Variants in PTPRD observed in about 807,000 individuals in gnomAD.
PTPRD encodes protein tyrosine phosphatase receptor type D, also known as receptor-type tyrosine-protein phosphatase delta.
A neutral mutation model predicts 214.5 loss-of-function variants in PTPRD; 34 were observed. That is an observed-to-expected ratio of 0.16 (90% CI 0.12 to 0.21). PTPRD has a LOEUF of 0.21. PTPRD is among the 10% of genes least tolerant of loss of function. The pLI, the probability that PTPRD is intolerant of heterozygous loss-of-function variation, is 1.00. For synonymous variants in PTPRD, 1,128 were observed against 845.7 expected, an observed-to-expected ratio of 1.33 and a Z score of -5.79; for missense variants, 2,545 against 2,398.7, an observed-to-expected ratio of 1.06 and a Z score of -1.27.
At chr9:9,052,683 G>C (rs1007673391) in intron 10 of PTPRD, among the ~76,000 whole-genome samples, 7 of 152,150 alleles carry the variant, frequency 4.6e-5, no homozygotes, top group Non-Finnish European at 7.3e-5. Context: ...AAAGGCAATT[G>C]TTGATGTTCC....
intron 2 of PTPRD, among the ~76,000 whole-genome samples, chr9:10,436,921 A>T (rs620558): frequency 6.6e-6 from 1 of 151,666 alleles, no homozygotes; most frequent in Admixed American, 6.6e-5. Flanking sequence ...TACTAAATGT[A>T]GATGCAAGAT....
intron 2 of PTPRD, among the ~76,000 whole-genome samples, chr9:10,415,588 C>T (rs930693366): frequency 1.4e-4 from 21 of 151,880 alleles, no homozygotes; most frequent in African/African-American, 5.1e-4. Flanking sequence ...TAAGAAAACA[C>T]TCCTAGAGCT....
chr9:9,883,150 A>T (rs1249448421), intron 5 of PTPRD, among the ~76,000 whole-genome samples: 1 of 151,888 alleles, frequency 6.6e-6, no homozygotes, highest in African/African-American at 2.4e-5. Flanking sequence ...AAATGAACAA[A>T]CCCCCCAAGA....
In PTPRD at chr9:9,479,913, T is replaced by C. The variant is rs535862409; in HGVS notation, c.-236-82431A>G. Among the ~76,000 whole-genome samples the C allele has an allele frequency of 6.6e-5, 10 of 152,278 alleles. No individual in the cohort carries two copies. The East Asian group carries it at 1.7e-3, about 26-fold the overall frequency. ...GACAATACTGAATGGTTATTTGGTA[T>C]ATAAACTATATAATAAAAGCAAATC... is the stretch of plus-strand genomic sequence containing the variant. On this transcript the variant is annotated intron_variant, in intron 8 of 45. Coordinates refer to ENST00000381196, the MANE Select transcript of PTPRD (RefSeq NM_002839.4).
At chr9:8,665,619 T>A (rs1435777926) in intron 12 of PTPRD, among the ~76,000 whole-genome samples, 1 of 152,212 alleles carries the variant, frequency 6.6e-6, no homozygotes, top group Non-Finnish European at 1.5e-5. Context: ...CTTTTCATAA[T>A]ACCTGTATAC....
chr9:8,813,893 G>T (rs898628115), intron 11 of PTPRD, among the ~76,000 whole-genome samples: 1 of 152,174 alleles, frequency 6.6e-6, no homozygotes, highest in East Asian at 1.9e-4. Context: ...TTTGGTCCTG[G>T]TCCACCATTT....
chr9:9,199,281 A>G (rs150786452), intron 9 of PTPRD, among the ~76,000 whole-genome samples: 1 of 152,314 alleles, frequency 6.6e-6, no homozygotes, highest in Admixed American at 6.5e-5. Context: ...ATTTTAGAAA[A>G]CATGGAAGAA....
chr9:8,347,032 G>C (rs2074023812), intron 39 of PTPRD, among the ~76,000 whole-genome samples: 1 of 151,996 alleles, frequency 6.6e-6, no homozygotes, highest in African/African-American at 2.4e-5. Context: ...AAGTGAGCTT[G>C]GTACTCTCTG....
At chr9:8,442,783 T>G (rs924063647) in intron 34 of PTPRD, among the ~76,000 whole-genome samples, 1 of 152,210 alleles carries the variant, frequency 6.6e-6, no homozygotes, top group Non-Finnish European at 1.5e-5. Context: ...AAGAGAATAT[T>G]GATTTGTAAG....
chr9:9,160,956 C>G (rs145948081), intron 10 of PTPRD, among the ~76,000 whole-genome samples: 1 of 152,054 alleles, frequency 6.6e-6, no homozygotes, highest in African/African-American at 2.4e-5. Context: ...ATCTCACTTA[C>G]GTTACTTATA....
At chr9:10,580,409 T>G (rs1404011420) in intron 2 of PTPRD, among the ~76,000 whole-genome samples, 1 of 152,222 alleles carries the variant, frequency 6.6e-6, no homozygotes, top group African/African-American at 2.4e-5. Context: ...AGTATAAGTC[T>G]ATGTGCCTAG....
intron 3 of PTPRD, among the ~76,000 whole-genome samples, chr9:10,164,454 T>C (rs2099146917): frequency 6.6e-6 from 1 of 151,526 alleles, no homozygotes; most frequent in Non-Finnish European, 1.5e-5. Context: ...GTCTTTCCAT[T>C]GAGTTTGTTT....
At chr9:10,325,837 A>T (rs2096633512) in intron 3 of PTPRD, among the ~76,000 whole-genome samples, 1 of 151,906 alleles carries the variant, frequency 6.6e-6, no homozygotes, top group African/African-American at 2.4e-5. Context: ...TAGAGTACAG[A>T]TGTATAGTAA....
At chr9:9,570,645 A>T (rs536784865) in intron 8 of PTPRD, among the ~76,000 whole-genome samples, 242 of 151,704 alleles carry the variant, frequency 1.6e-3, no homozygotes, top group African/African-American at 5.5e-3. Context: ...CAAGACAGCT[A>T]TTTGTGTTTT....
chr9:10,488,691 T>G (rs929625873), intron 2 of PTPRD, among the ~76,000 whole-genome samples: 19 of 152,294 alleles, frequency 1.2e-4, no homozygotes, highest in African/African-American at 4.6e-4. Context: ...CTTCCCACTC[T>G]TCCCTCCCCT....
chr9:9,986,601 G>A (rs2095717869), intron 4 of PTPRD, among the ~76,000 whole-genome samples: 1 of 152,004 alleles, frequency 6.6e-6, no homozygotes, highest in African/African-American at 2.4e-5. Context: ...TTCTTAATAT[G>A]TGCATATATT....
intron 30 of PTPRD, among the ~76,000 whole-genome samples, chr9:8,473,684 A>C (rs1345491071): frequency 6.6e-6 from 1 of 151,630 alleles, no homozygotes; most frequent in Admixed American, 6.6e-5. Context: ...ATTCTTGTAC[A>C]TGAAAAAAAA....
At chr9:10,538,239 A>T (rs1234191334) in intron 2 of PTPRD, among the ~76,000 whole-genome samples, 1 of 130,354 alleles carries the variant, frequency 7.7e-6, no homozygotes, top group Admixed American at 8.0e-5. Context: ...GCCTCATCAT[A>T]AAATAAATAA....
chr9:10,596,679 G>C lies in PTPRD; in HGVS notation c.-600+15719C>G, dbSNP rs546516416. ...TGATAAACATCCCTAAGAGCTGGTA[G>C]AATGTGAAAAATTAGAACCTAGTAG... On this transcript the variant is annotated intron_variant, in intron 2 of 45. Coordinates refer to ENST00000381196, the MANE Select transcript of PTPRD (RefSeq NM_002839.4). 4.6e-5 allele frequency among the ~76,000 whole-genome samples: 7 copies of C among 151,696 alleles called. No homozygotes were observed. In the South Asian group the frequency reaches 1.5e-3, roughly 31 times the overall value.
Sources: allele counts gnomAD v4.1 joint callset (sites outside exome capture counted in the v4.1 genomes callset), GRCh38; gene constraint gnomAD v4.1.1; transcripts MANE v1.5; gene names NCBI Gene and HGNC (gene_info 2026-07-23, HGNC 2026-07-21).